The following ZBTB46 variants were observed in gnomAD, a reference collection of about 807,000 sequenced individuals.
ZBTB46 encodes the protein zinc finger and BTB domain-containing protein 46.
Under a neutral mutation model 44.1 loss-of-function variants are expected in ZBTB46, and 8 were observed. That is an observed-to-expected ratio of 0.18 (90% CI 0.11 to 0.33). ZBTB46 has a LOEUF of 0.33. ZBTB46 is among the 10% of genes least tolerant of loss of function. The pLI is 1.00. For missense variants in ZBTB46, 651 were observed against 847.7 expected, an observed-to-expected ratio of 0.77 and a Z score of 2.88; for synonymous variants, 409 against 382.3, an observed-to-expected ratio of 1.07 and a Z score of -0.81.
rs745777313 is a variant in ZBTB46 at position 63,773,230 on chromosome 20, C to CTT, written c.1222+2446_1222+2447dup. On this transcript the variant is annotated intron_variant, in intron 3 of 4. Coordinates refer to ENST00000245663, the MANE Select transcript of ZBTB46 (RefSeq NM_001369741.1). ...AAATTGTTTCCCCTCAGTCCAATGG[C>CTT]TTTTTTTTTTTTTTTTGAGACAGTG... 1.5e-4 allele frequency among the ~76,000 whole-genome samples: 20 copies of CTT among 134,006 alleles called. 3 individuals carry two copies. The highest frequency in any genetic ancestry group is 2.1e-4 in the East Asian group (1 of 4,814). 87.9% of individuals were successfully genotyped at this position (134,006 alleles called of 152,430 possible). A position where few individuals can be genotyped will look rare whatever the true frequency, so the allele number is the denominator to read the frequency against.
intron 1 of ZBTB46, among the ~76,000 whole-genome samples, chr20:63,816,855 A>G (rs1413795464): frequency 6.6e-6 from 1 of 152,240 alleles, no homozygotes; most frequent in Non-Finnish European, 1.5e-5. Flanking sequence ...CTGTAATCCC[A>G]GCACTTTGGA....
rs2092069589 is a variant in ZBTB46 at position 63,744,499 on chromosome 20, A to G, written c.*2431T>C. 1.3e-5 allele frequency: 2 copies of G among 151,914 alleles called. No homozygotes were observed. The highest frequency in any genetic ancestry group is 1.3e-4 in the Admixed American group (2 of 15,242). The allele number at this position is 151,914 out of a possible 1,614,324, so 9.4% of individuals were successfully genotyped here. ...AAACAGACACAAACAAAAATACAAA[A>G]TGTGAAATGTAATCTACACATTTTT... On this transcript the variant is annotated 3_prime_UTR_variant, in exon 5 of 5. Transcript: ENST00000245663.
At chr20:63,780,505 G>A (rs572364230) in intron 2 of ZBTB46, among the ~76,000 whole-genome samples, 1 of 151,844 alleles carries the variant, frequency 6.6e-6, no homozygotes, top group African/African-American at 2.4e-5. Flanking sequence ...AAAAACCATA[G>A]GAGAAAGTCT....
chr20:63,818,990 G>A (rs2092776217), intron 1 of ZBTB46, among the ~76,000 whole-genome samples: 1 of 151,924 alleles, frequency 6.6e-6, no homozygotes, highest in Non-Finnish European at 1.5e-5. Flanking sequence ...TGACCAACAT[G>A]GTGAAACCCC....
intron 3 of ZBTB46, among the ~76,000 whole-genome samples, chr20:63,762,677 CAAAA>C (rs767054579): frequency 9.6e-6 from 1 of 104,484 alleles, no homozygotes; most frequent in African/African-American, 4.6e-5. Context: ...AACAAACAAA[CAAAA>C]AAAAAACCAA....
At chr20:63,826,777 T>C (rs1232494646) in intron 1 of ZBTB46, among the ~76,000 whole-genome samples, 3 of 152,176 alleles carry the variant, frequency 2.0e-5, no homozygotes, top group Non-Finnish European at 4.4e-5. Flanking sequence ...CGAGTGTCCT[T>C]GGGAAGGCAT....
intron 2 of ZBTB46, among the ~76,000 whole-genome samples, chr20:63,783,990 C>T (rs974244617): frequency 2.4e-4 from 37 of 152,216 alleles, no homozygotes; most frequent in African/African-American, 8.9e-4. Flanking sequence ...GCCACGCACA[C>T]TCAGGACAGG....
At chr20:63,820,441 A>G (rs968699959) in intron 1 of ZBTB46, among the ~76,000 whole-genome samples, 7 of 149,016 alleles carry the variant, frequency 4.7e-5, no homozygotes, top group Admixed American at 4.7e-4. Flanking sequence ...TTATATATAT[A>G]TATTTTTTTT....
rs866999274 is a variant in ZBTB46 at position 63,767,359 on chromosome 20, G to A, written c.1222+8319C>T. ...TCGGGCAGAAGCTGGAGGTCCACCC[G>A]CCCCAGCTGCCCACCGGCTGGGCAT... On this transcript the variant is annotated intron_variant, in intron 3 of 4. Coordinates refer to ENST00000245663, the MANE Select transcript of ZBTB46 (RefSeq NM_001369741.1). The surrounding 1 kb of genome is among the most constrained non-coding windows in gnomAD (Gnocchi z 5.0). Among the ~76,000 whole-genome samples, 4 of 151,944 alleles carry A rather than the reference G, an allele frequency of 2.6e-5. No individual in the cohort carries two copies. The highest frequency in any genetic ancestry group is 4.2e-4 in the South Asian group (2 of 4,814).
rs1293105592 is a variant in ZBTB46, at chr20:63,774,711, T to C, written c.1222+967A>G. On this transcript the variant is annotated intron_variant, in intron 3 of 4. Coordinates refer to ENST00000245663, the MANE Select transcript of ZBTB46 (RefSeq NM_001369741.1). Reference sequence around the variant, plus strand: ...TGGGTTTTTTTTGTTTTTTTTTTTGTTTTTTTTTTTGAGACAGAGTCTCCC... The same window carrying C: ...TGGGTTTTTTTTGTTTTTTTTTTTGCTTTTTTTTTTGAGACAGAGTCTCCC... 6.2e-4 allele frequency among the ~76,000 whole-genome samples: 82 copies of C among 132,780 alleles called. 1 individual carries two copies. The highest frequency in any genetic ancestry group is 1.2e-3 in the Non-Finnish European group (74 of 60,790). 87.1% of individuals were successfully genotyped at this position (132,780 alleles called of 152,430 possible). A position where few individuals can be genotyped will look rare whatever the true frequency, so the allele number is the denominator to read the frequency against.
chr20:63,795,505 G>A (rs1336380302), intron 1 of ZBTB46, among the ~76,000 whole-genome samples: 1 of 152,240 alleles, frequency 6.6e-6, no homozygotes, highest in African/African-American at 2.4e-5. Flanking sequence ...GCTTTTGGGG[G>A]CTATTTCAAA....
intron 2 of ZBTB46, among the ~76,000 whole-genome samples, chr20:63,778,010 T>C (rs2092439221): frequency 2.0e-5 from 3 of 152,070 alleles, no homozygotes; most frequent in African/African-American, 7.2e-5. Context: ...AGTAGGTTTG[T>C]GGCTGCAAAA....
intron 3 of ZBTB46, among the ~76,000 whole-genome samples, chr20:63,760,833 G>C (rs935167171): frequency 6.6e-6 from 1 of 150,658 alleles, no homozygotes; most frequent in Non-Finnish European, 1.5e-5. Context: ...GGTTTGCCCA[G>C]GCTGGAATGC....
intron 2 of ZBTB46, among the ~76,000 whole-genome samples, chr20:63,781,929 C>T (rs2092473179): frequency 6.7e-6 from 1 of 150,098 alleles, no homozygotes; most frequent in African/African-American, 2.4e-5. Flanking sequence ...ACTAAAAATA[C>T]AAAAAAAATT....
chr20:63,801,669 C>T (rs929756471), intron 1 of ZBTB46, among the ~76,000 whole-genome samples: 2 of 152,304 alleles, frequency 1.3e-5, no homozygotes, highest in Middle Eastern at 3.4e-3. Flanking sequence ...GCCAAGACCA[C>T]GAACCCACCA....
At chr20:63,801,418 G>C (rs746426600) in intron 1 of ZBTB46, among the ~76,000 whole-genome samples, 1 of 152,162 alleles carries the variant, frequency 6.6e-6, no homozygotes, top group African/African-American at 2.4e-5. Context: ...CTCTAAAACA[G>C]ACCAATCAGC....
chr20:63,818,225 C>T (rs2092771166), intron 1 of ZBTB46, among the ~76,000 whole-genome samples: 1 of 152,370 alleles, frequency 6.6e-6, no homozygotes, highest in Middle Eastern at 3.4e-3. Context: ...CACGCTGCCC[C>T]TGCCAGGTGA....
In ZBTB46 at chr20:63,798,385, TG is replaced by T. The variant is rs1358581880; in HGVS notation, c.-33-7596del. Among the ~76,000 whole-genome samples, 12 of 152,218 alleles carry T rather than the reference TG, an allele frequency of 7.9e-5. No individual in the cohort carries two copies. The East Asian group carries it at 2.3e-3, about 29-fold the overall frequency. On this transcript the variant is annotated intron_variant, in intron 1 of 4. Coordinates refer to ENST00000245663, the MANE Select transcript of ZBTB46 (RefSeq NM_001369741.1). ...CTTTACAAAAAATACAAAAATTAGC[TG>T]GGCGTTGGCCGCGCGTGGTGGCTCA...
At chr20:63,815,738 C>T (rs1384264833) in intron 1 of ZBTB46, among the ~76,000 whole-genome samples, 2 of 145,234 alleles carry the variant, frequency 1.4e-5, no homozygotes, top group Admixed American at 6.8e-5. Flanking sequence ...GCAGTAGGTG[C>T]AGGTGAGCAC....
Sources: gnomAD v4.1 joint callset for allele counts (sites outside exome capture counted in the v4.1 genomes callset) on GRCh38, gnomAD v4.1.1 for gene constraint, Gnocchi (gnomAD v3.1) non-coding constraint, MANE v1.5 for transcripts, NCBI Gene and HGNC (gene_info 2026-07-23, HGNC 2026-07-21) for gene names.